The following ABCA12 variants were observed in gnomAD, a reference collection of about 807,000 sequenced individuals.
The protein encoded by ABCA12 is ATP binding cassette subfamily A member 12.
In ABCA12, 156 loss-of-function variants were observed where a neutral mutation model predicts 293.5. The observed-to-expected ratio is 0.53, with a 90% CI of 0.47 to 0.61. The LOEUF (loss-of-function observed/expected upper bound fraction) is 0.61, where lower values mean the gene tolerates loss of function less well. Among genes scored for constraint, ABCA12 ranks in the 20% least tolerant of loss-of-function variants. The pLI, the probability that ABCA12 is intolerant of heterozygous loss-of-function variation, is 0.00. For missense variants in ABCA12, 2,797 were observed against 3,090.2 expected, an observed-to-expected ratio of 0.91 and a Z score of 2.25; for synonymous variants, 1,063 against 1,108.0, an observed-to-expected ratio of 0.96 and a Z score of 0.81.
intron 51 of ABCA12, among the ~76,000 whole-genome samples, chr2:214,935,062 G>A (rs944278008): frequency 1.3e-5 from 2 of 152,060 alleles, no homozygotes; most frequent in Non-Finnish European, 2.9e-5. Flanking sequence ...CCCCTGTGAC[G>A]CCAGTGCATC....
At chr2:214,943,151 T>C in intron 49 of ABCA12, 134 bp from the exon 50 acceptor site, 4 of 720,978 alleles carry the variant, frequency 5.5e-6, no homozygotes, top group Non-Finnish European at 7.1e-6. Flanking sequence ...CTTTGTTATT[T>C]TTTTGAGATA....
In ABCA12 at chr2:214,997,801, G is replaced by A; in HGVS notation, c.3188C>T (p.Thr1063Ile). 1 of 1,606,582 alleles carries A rather than the reference G, an allele frequency of 6.2e-7. No individual in the cohort carries two copies. Among genetic ancestry groups the A allele is most frequent in the Non-Finnish European group, 8.5e-7 (1 of 1,173,460 alleles). The change falls in exon 23 of 53, where the codon ACC becomes ATC. Residue 1063 changes from threonine to isoleucine, a missense_variant. Transcript: ENST00000272895. ...YPCFMKDNFL[T>I]SVSYSLPIVL... ...AATTGGAAGAGAATAAGAGACACTGGTTAGGAAGCTGTAAAACAAACAAAA... is the reference window on the plus strand; with the variant it reads ...AATTGGAAGAGAATAAGAGACACTGATTAGGAAGCTGTAAAACAAACAAAA...
Position 214,953,466 on chromosome 2 carries a change from T to A in ABCA12, c.6647+388A>T, listed in dbSNP as rs191349355. Among the ~76,000 whole-genome samples, 3 of 152,192 alleles carry A rather than the reference T, an allele frequency of 2.0e-5. No individual in the cohort carries two copies. The East Asian group carries it at 5.8e-4, about 29-fold the overall frequency. ...TCTTAATCTTCTTTTCCCAAACTCA[T>A]TGCCAACATGCTCCACACTCAATCC... On this transcript the variant is annotated intron_variant, in intron 44 of 52. Transcript: ENST00000272895.
At chr2:215,113,896 C>T (rs758848129) in intron 1 of ABCA12, among the ~76,000 whole-genome samples, 1 of 152,186 alleles carries the variant, frequency 6.6e-6, no homozygotes, top group Non-Finnish European at 1.5e-5. Context: ...CTCATTACTA[C>T]TTAAAATTAG....
chr2:215,049,558 T>G (rs997311385), intron 6 of ABCA12, 68 bp downstream of exon 6: 1 of 1,487,814 alleles, frequency 6.7e-7, no homozygotes, highest in Admixed American at 1.7e-5. Flanking sequence ...TTTCCCAGTC[T>G]ACACGGGCTA....
intron 26 of ABCA12, among the ~76,000 whole-genome samples, chr2:214,988,697 C>A (rs747426768): frequency 1.3e-5 from 2 of 152,040 alleles, no homozygotes; most frequent in Non-Finnish European, 2.9e-5. Context: ...CTCTCACACT[C>A]CTATTTAGAG....
At chr2:215,128,083 G>A (rs139732124) in intron 1 of ABCA12, among the ~76,000 whole-genome samples, 220 of 152,234 alleles carry the variant, frequency 1.4e-3, no homozygotes, top group African/African-American at 5.2e-3. Context: ...CAAAATTCTT[G>A]GCTGATAATT....
At chr2:215,104,313 T>A (rs540399513) in intron 2 of ABCA12, among the ~76,000 whole-genome samples, 19 of 152,336 alleles carry the variant, frequency 1.2e-4, no homozygotes, top group South Asian at 1.0e-3. Context: ...TATTTCCTAT[T>A]CTCTGTGCAA....
rs1423702442 is a variant in ABCA12 at position 214,989,456 on chromosome 2, C to T, written c.3702G>A (p.Gln1234=). The part of the protein sequence containing the change: ...ARYEEQGIGL[Q]WENMYTSPVQ... ...CCGGGGAGGTGTACATATTTTCCCA[C>T]TGAAGACCTAAAAAGTGAACACAAG... The change falls in exon 26 of 53, where the codon CAG becomes CAA. Residue 1234 remains glutamine, a synonymous_variant. Coordinates refer to ENST00000272895, the MANE Select transcript of ABCA12 (RefSeq NM_173076.3). 1 of 1,613,518 alleles carries T rather than the reference C, an allele frequency of 6.2e-7. No individual in the cohort carries two copies. The highest frequency in any genetic ancestry group is 1.1e-5 in the South Asian group (1 of 91,064).
At chr2:214,961,680 C>T (rs575597840) in intron 39 of ABCA12, 8 of 152,240 alleles carry the variant, frequency 5.3e-5, no homozygotes, top group South Asian at 2.1e-4. Context: ...TATTTCACAC[C>T]GGTTACACTA....
chr2:215,031,511 A>C (rs1185935610), intron 9 of ABCA12, among the ~76,000 whole-genome samples: 3 of 152,198 alleles, frequency 2.0e-5, no homozygotes, highest in Non-Finnish European at 4.4e-5. Flanking sequence ...AAAAGTGTTG[A>C]CAGCCCTCCA....
intron 1 of ABCA12, among the ~76,000 whole-genome samples, chr2:215,121,417 C>G (rs1702802950): frequency 6.6e-6 from 1 of 152,178 alleles, no homozygotes. Flanking sequence ...TACACTCTCT[C>G]TTTTTTCCTT....
At chr2:215,132,105 T>G (rs547122206) in intron 1 of ABCA12, among the ~76,000 whole-genome samples, 1 of 152,210 alleles carries the variant, frequency 6.6e-6, no homozygotes, top group South Asian at 2.1e-4. Context: ...AGAAGCTACT[T>G]GATATGATTT....
At chr2:215,138,010 A>C (rs1703268269) in intron 1 of ABCA12, 130 bp downstream of exon 1, 3 of 966,370 alleles carry the variant, frequency 3.1e-6, no homozygotes, top group South Asian at 1.3e-5. Flanking sequence ...GATGAATTCT[A>C]AATATCTTAC....
chr2:215,125,694 G>C (rs552669295), intron 1 of ABCA12, among the ~76,000 whole-genome samples: 1 of 152,236 alleles, frequency 6.6e-6, no homozygotes, highest in African/African-American at 2.4e-5. Flanking sequence ...GAGTTTTCTG[G>C]AGGAGTCCTC....
In ABCA12 at chr2:214,980,634, A is replaced by T. The variant is rs761934025; in HGVS notation, c.4589T>A (p.Ile1530Asn). 1.2e-6 allele frequency: 2 copies of T among 1,614,106 alleles called. No homozygotes were observed. The highest frequency in any genetic ancestry group is 8.5e-7 in the Non-Finnish European group (1 of 1,179,980). ...GTCCAAGTGGTGCGTTGACAGAATG[A>T]TTGTTCTGGCTTGAAAATACAGACA... is the stretch of plus-strand genomic sequence containing the variant. ...VISKNKTART[I>N]ILSTHHLDEA... is the part of the protein sequence containing the mutation. The change falls in exon 31 of 53, where the codon ATC becomes AAC. Residue 1530 changes from isoleucine (I) to asparagine (N), a missense_variant. By Grantham distance (149) the Ile-to-Asn change is moderately radical (BLOSUM62 -3). This residue lies in a region of ABCA12 where 2,130 missense variants were observed against 2,427.0 expected (regional missense o/e 0.88). Coordinates refer to ENST00000272895, the MANE Select transcript of ABCA12 (RefSeq NM_173076.3).
At chr2:215,052,105 C>T (rs1440741611) in intron 5 of ABCA12, among the ~76,000 whole-genome samples, 1 of 152,062 alleles carries the variant, frequency 6.6e-6, no homozygotes, top group East Asian at 1.9e-4. Context: ...TTCCTTAGCT[C>T]TAATTTTTCC....
chr2:215,041,512 A>G (rs1455691120), intron 7 of ABCA12, among the ~76,000 whole-genome samples: 4 of 150,476 alleles, frequency 2.7e-5, no homozygotes, highest in Non-Finnish European at 4.4e-5. Flanking sequence ...AGATCGTGCC[A>G]CTGCACTCCA....
intron 1 of ABCA12, 113 bp downstream of exon 1, chr2:215,138,027 C>T (rs888887750): frequency 6.4e-6 from 7 of 1,098,394 alleles, no homozygotes; most frequent in Non-Finnish European, 9.8e-6. Context: ...TTACTTCCTG[C>T]TTTGGAAAAT....
Sources: allele counts gnomAD v4.1 joint callset (sites outside exome capture counted in the v4.1 genomes callset), GRCh38; gene constraint gnomAD v4.1.1; regional missense constraint gnomAD v4.1.1; transcripts MANE v1.5; gene names NCBI Gene and HGNC (gene_info 2026-07-23, HGNC 2026-07-21).